Variants in SEMA3E observed in about 807,000 individuals in gnomAD.
The protein encoded by SEMA3E is semaphorin-3E.
SEMA3E carries 49 observed loss-of-function variants against 93.6 expected under a neutral mutation model. The ratio of observed to expected loss-of-function variants is 0.52; its 90% CI spans 0.42 to 0.66. The LOEUF is 0.66. Among genes scored for constraint, SEMA3E ranks in the 30% least tolerant of loss-of-function variants. The pLI is 0.00. For missense variants in SEMA3E, 906 were observed against 964.8 expected, an observed-to-expected ratio of 0.94 and a Z score of 0.81; for synonymous variants, 363 against 330.7, an observed-to-expected ratio of 1.10 and a Z score of -1.06.
chr7:83,600,712 G>A (rs571072428), intron 1 of SEMA3E, among the ~76,000 whole-genome samples: 2 of 151,926 alleles, frequency 1.3e-5, no homozygotes, highest in East Asian at 3.9e-4. Context: ...GAAAAAAATA[G>A]TACTTTTTGT....
intron 1 of SEMA3E, among the ~76,000 whole-genome samples, chr7:83,545,985 C>T (rs1791642823): frequency 6.9e-6 from 1 of 145,926 alleles, no homozygotes; most frequent in Non-Finnish European, 1.5e-5. Flanking sequence ...ATTGAATAAG[C>T]TACATGGGGG....
At chr7:83,434,709 CTTTTTTT>C (rs76539180) in intron 4 of SEMA3E, among the ~76,000 whole-genome samples, 1 of 120,174 alleles carries the variant, frequency 8.3e-6, no homozygotes, top group Non-Finnish European at 1.7e-5. Context: ...AACTGTATTT[CTTTTTTT>C]TTTTTTTTTT....
chr7:83,543,403 G>A (rs1386503745), intron 1 of SEMA3E, among the ~76,000 whole-genome samples: 1 of 151,844 alleles, frequency 6.6e-6, no homozygotes, highest in African/African-American at 2.4e-5. Context: ...TGCAAGGGTT[G>A]CAAGTACCAA....
At chr7:83,557,306 A>G (rs752460589) in intron 1 of SEMA3E, among the ~76,000 whole-genome samples, 13 of 151,400 alleles carry the variant, frequency 8.6e-5, no homozygotes, top group Non-Finnish European at 1.8e-4. Context: ...ATATGAATCT[A>G]TAAAAATATA....
At chr7:83,646,612 G>A (rs1369262862) in intron 1 of SEMA3E, among the ~76,000 whole-genome samples, 1 of 151,926 alleles carries the variant, frequency 6.6e-6, no homozygotes, top group Non-Finnish European at 1.5e-5. Flanking sequence ...TCAGTCTATT[G>A]TACATATAGA....
At chr7:83,581,680 G>A (rs1040401658) in intron 1 of SEMA3E, among the ~76,000 whole-genome samples, 4 of 151,770 alleles carry the variant, frequency 2.6e-5, no homozygotes, top group Non-Finnish European at 5.9e-5. Context: ...CTTCAAAATC[G>A]CTGCAAGTGA....
intron 4 of SEMA3E, among the ~76,000 whole-genome samples, chr7:83,457,158 G>T (rs555987570): frequency 1.3e-5 from 2 of 152,128 alleles, no homozygotes; most frequent in African/African-American, 4.8e-5. Flanking sequence ...CTAAATAATG[G>T]CACTTTTCAA....
intron 4 of SEMA3E, among the ~76,000 whole-genome samples, chr7:83,440,197 T>C (rs186603811): frequency 2.4e-4 from 37 of 152,238 alleles, no homozygotes; most frequent in African/African-American, 7.2e-4. Flanking sequence ...GGGCTCAACA[T>C]TGGGAAGTAC....
intron 1 of SEMA3E, among the ~76,000 whole-genome samples, chr7:83,532,040 CTG>C (rs1490178791): frequency 3.3e-5 from 5 of 152,130 alleles, no homozygotes. Flanking sequence ...GCATTGCTGA[CTG>C]TTATTTCTGG....
intron 16 of SEMA3E, among the ~76,000 whole-genome samples, chr7:83,381,742 T>A (rs1419846419): frequency 6.6e-6 from 1 of 151,990 alleles, no homozygotes; most frequent in Non-Finnish European, 1.5e-5. Flanking sequence ...TACTCTGTAT[T>A]TTATATCTAC....
At chr7:83,400,399 T>A (rs897678661) in intron 10 of SEMA3E, 149 bp from the exon 11 acceptor site, 2 of 746,992 alleles carry the variant, frequency 2.7e-6, no homozygotes, top group Non-Finnish European at 2.2e-6. Flanking sequence ...ATTTTTCTTT[T>A]TTTTTAACTT....
intron 4 of SEMA3E, among the ~76,000 whole-genome samples, chr7:83,450,873 G>C (rs980488495): frequency 6.6e-6 from 1 of 152,036 alleles, no homozygotes; most frequent in African/African-American, 2.4e-5. Flanking sequence ...TCCAAGAGTT[G>C]GCAGAATCTA....
At chr7:83,406,102 TC>T in intron 7 of SEMA3E, 43 bp from the exon 8 acceptor site, 4 of 1,324,246 alleles carry the variant, frequency 3.0e-6, no homozygotes, top group Non-Finnish European at 4.4e-6. Context: ...CTAAAGAATT[TC>T]GACCAACCAC....
At position 83,648,903 on chromosome 7, in the gene SEMA3E, G is replaced by A. The variant is rs1425759697; in HGVS notation, c.-361C>T. The A allele has an allele frequency of 8.7e-4, 149 of 171,832 alleles. No homozygotes were observed. Among genetic ancestry groups the A allele is most frequent in the African/African-American group, 3.6e-3 (127 of 35,012 alleles). The allele number at this position is 171,832 out of a possible 1,614,324, so 10.6% of individuals were successfully genotyped here. The stretch of plus-strand genomic sequence containing the variant: ...TTCAGAAAAAAAAAAAAAAAAGAGA[G>A]AAAAAAACAAAACCGAGCACACGCA... On this transcript the variant is annotated 5_prime_UTR_variant, in exon 1 of 17. Transcript: ENST00000643230.
intron 1 of SEMA3E, among the ~76,000 whole-genome samples, chr7:83,529,660 A>G (rs917236574): frequency 1.3e-5 from 2 of 152,156 alleles, no homozygotes; most frequent in African/African-American, 4.8e-5. Context: ...TGTCAGAAAA[A>G]AGCTGAGCAG....
chr7:83,425,412 C>A (rs1788750181), intron 4 of SEMA3E, among the ~76,000 whole-genome samples: 1 of 151,940 alleles, frequency 6.6e-6, no homozygotes, highest in South Asian at 2.1e-4. Flanking sequence ...ACTTATTTTG[C>A]TTCTTTACCA....
intron 1 of SEMA3E, among the ~76,000 whole-genome samples, chr7:83,597,840 C>T (rs972399010): frequency 1.3e-5 from 2 of 151,986 alleles, no homozygotes; most frequent in Admixed American, 1.3e-4. Context: ...TCCTATAGAA[C>T]TTTTATATTT....
chr7:83,602,430 C>T (rs143385210), intron 1 of SEMA3E, among the ~76,000 whole-genome samples: 2 of 152,176 alleles, frequency 1.3e-5, no homozygotes, highest in South Asian at 2.1e-4. Context: ...CCTATCCAGA[C>T]AGATATGCCC....
intron 2 of SEMA3E, among the ~76,000 whole-genome samples, chr7:83,475,292 A>G (rs772404226): frequency 2.6e-5 from 4 of 152,102 alleles, no homozygotes; most frequent in Non-Finnish European, 5.9e-5. Context: ...GATCATTTCC[A>G]GTTAAACACA....
Sources: gnomAD v4.1 joint callset for allele counts (sites outside exome capture counted in the v4.1 genomes callset) on GRCh38, gnomAD v4.1.1 for gene constraint, MANE v1.5 for transcripts, NCBI Gene and HGNC (gene_info 2026-07-23, HGNC 2026-07-21) for gene names.